PDZRN4: variants seen among roughly 807,000 people sequenced by gnomAD.
PDZRN4 encodes PDZ domain containing ring finger 4.
In PDZRN4, 70 loss-of-function variants were observed where a neutral mutation model predicts 99.0. The ratio of observed to expected loss-of-function variants is 0.71; its 90% CI spans 0.58 to 0.86. The LOEUF is 0.86. PDZRN4 is among the 40% of genes least tolerant of loss of function. The probability of loss-of-function intolerance (pLI) is 0.00; values close to 1 mark genes in which losing one functional copy is unlikely to be tolerated. For synonymous variants in PDZRN4, 551 were observed against 501.6 expected (o/e 1.10, Z -1.32); for missense variants, 1,474 against 1,331.2 (o/e 1.11, Z -1.67).
intron 5 of PDZRN4, among the ~76,000 whole-genome samples, chr12:41,525,070 G>A (rs1353441942): frequency 2.0e-5 from 3 of 152,116 alleles, no homozygotes; most frequent in East Asian, 1.9e-4. Context: ...TGTGGTGTGG[G>A]GAATTAGGAG....
intron 5 of PDZRN4, among the ~76,000 whole-genome samples, chr12:41,530,042 G>A (rs565261088): frequency 7.2e-5 from 11 of 152,274 alleles, no homozygotes; most frequent in Middle Eastern, 3.4e-3. Context: ...GTTGAAATGG[G>A]TCTTTCATTC....
intron 3 of PDZRN4, among the ~76,000 whole-genome samples, chr12:41,195,232 CT>C (rs1277731334): frequency 1.3e-5 from 2 of 152,092 alleles, no homozygotes; most frequent in Admixed American, 1.3e-4. Context: ...GGTTAAGTTA[CT>C]TTTATCAGTG....
intron 3 of PDZRN4, among the ~76,000 whole-genome samples, chr12:41,360,526 A>G (rs913721259): frequency 2.0e-5 from 3 of 152,044 alleles, no homozygotes; most frequent in African/African-American, 4.8e-5. Context: ...AGTGATACTA[A>G]CATGCAGCTA....
intron 3 of PDZRN4, among the ~76,000 whole-genome samples, chr12:41,327,592 C>T (rs1880888): frequency 0.76 from 116,073 of 152,134 alleles, 45,849 homozygotes; most frequent in Middle Eastern, 0.88. Flanking sequence ...AAAAAGCATG[C>T]GAGCTCTCAG....
At chr12:41,509,214 A>G (rs1938262283) in intron 4 of PDZRN4, among the ~76,000 whole-genome samples, 1 of 152,126 alleles carries the variant, frequency 6.6e-6, no homozygotes. Flanking sequence ...ATTGATCGCC[A>G]TGAATGTTCT....
At chr12:41,297,553 G>A (rs1951504422) in intron 3 of PDZRN4, among the ~76,000 whole-genome samples, 1 of 152,118 alleles carries the variant, frequency 6.6e-6, no homozygotes, top group Admixed American at 6.6e-5. Flanking sequence ...TTAAAATTGA[G>A]GGCAGACAGT....
At chr12:41,194,893 G>C (rs1020093123) in intron 3 of PDZRN4, among the ~76,000 whole-genome samples, 2 of 151,858 alleles carry the variant, frequency 1.3e-5, no homozygotes, top group Non-Finnish European at 2.9e-5. Context: ...TTTTAAATTT[G>C]TAATTAATAT....
intron 3 of PDZRN4, among the ~76,000 whole-genome samples, chr12:41,448,726 G>A (rs141271410): frequency 1.1e-3 from 165 of 152,160 alleles, no homozygotes; most frequent in African/African-American, 3.9e-3. Flanking sequence ...TCTTGATTTC[G>A]AAAATGCCAC....
intron 3 of PDZRN4, among the ~76,000 whole-genome samples, chr12:41,491,194 T>A (rs1342935953): frequency 1.3e-5 from 2 of 152,090 alleles, no homozygotes; most frequent in African/African-American, 4.8e-5. Context: ...AATTAGTAAG[T>A]GAACAATTCT....
chr12:41,516,573 A>G (rs1938403935), intron 5 of PDZRN4, among the ~76,000 whole-genome samples: 1 of 152,050 alleles, frequency 6.6e-6, no homozygotes, highest in Admixed American at 6.6e-5. Context: ...AAGGAAGAAA[A>G]TTGGGATTTT....
chr12:41,346,745 T>C (rs926061033), intron 3 of PDZRN4, among the ~76,000 whole-genome samples: 2 of 152,186 alleles, frequency 1.3e-5, no homozygotes, highest in African/African-American at 4.8e-5. Context: ...TTTTTTGGTT[T>C]ATTACAGCAA....
chr12:41,536,761 TAAA>T (rs59008796), intron 5 of PDZRN4, among the ~76,000 whole-genome samples: 1 of 137,362 alleles, frequency 7.3e-6, no homozygotes, highest in Non-Finnish European at 1.6e-5. Flanking sequence ...TATTGAAAAG[TAAA>T]AAAAAAAAAC....
chr12:41,565,509 ATTG>A (rs978922370), intron 8 of PDZRN4, among the ~76,000 whole-genome samples: 98 of 124,634 alleles, frequency 7.9e-4, no homozygotes, highest in Middle Eastern at 3.8e-3. Flanking sequence ...AATTTATCTC[ATTG>A]TTGTATGTTT....
intron 3 of PDZRN4, among the ~76,000 whole-genome samples, chr12:41,435,854 A>G (rs1952624732): frequency 6.6e-6 from 1 of 152,188 alleles, no homozygotes; most frequent in Non-Finnish European, 1.5e-5. Context: ...ATTCTTCCAC[A>G]ACTCAGCAAT....
chr12:41,279,030 G>T (rs1490831256), intron 3 of PDZRN4, among the ~76,000 whole-genome samples: 1 of 152,116 alleles, frequency 6.6e-6, no homozygotes, highest in Non-Finnish European at 1.5e-5. Context: ...AAAAATAAAG[G>T]CAGGGTGACA....
At chr12:41,478,834 A>G (rs1937630678) in intron 3 of PDZRN4, among the ~76,000 whole-genome samples, 1 of 152,120 alleles carries the variant, frequency 6.6e-6, no homozygotes, top group Non-Finnish European at 1.5e-5. Context: ...AAAATTGATG[A>G]AGCTATGCTA....
intron 3 of PDZRN4, among the ~76,000 whole-genome samples, chr12:41,392,304 T>C (rs1229711082): frequency 6.6e-6 from 1 of 152,108 alleles, no homozygotes; most frequent in African/African-American, 2.4e-5. Flanking sequence ...TCAGTGTACA[T>C]ACAAACACAC....
At chr12:41,332,012 G>A (rs928187216) in intron 3 of PDZRN4, among the ~76,000 whole-genome samples, 6 of 152,146 alleles carry the variant, frequency 3.9e-5, no homozygotes, top group Non-Finnish European at 7.4e-5. Flanking sequence ...GGTAGGAAAC[G>A]AGAGAGGATA....
intron 3 of PDZRN4, among the ~76,000 whole-genome samples, chr12:41,256,264 T>G (rs1951203784): frequency 6.6e-6 from 1 of 152,162 alleles, no homozygotes; most frequent in Non-Finnish European, 1.5e-5. Flanking sequence ...TGAATAAAAA[T>G]TTCTTGAATA....
Sources: gnomAD v4.1 joint callset for allele counts (sites outside exome capture counted in the v4.1 genomes callset) on GRCh38, gnomAD v4.1.1 for gene constraint, MANE v1.5 for transcripts, NCBI Gene and HGNC (gene_info 2026-07-23, HGNC 2026-07-21) for gene names.